Variants in CADM2 observed in about 807,000 individuals in gnomAD.
CADM2 encodes immunoglobulin superfamily member 4D.
Under a neutral mutation model 49.8 loss-of-function variants are expected in CADM2, and 12 were observed. That is an observed-to-expected ratio of 0.24 (90% confidence interval 0.15 to 0.39). The LOEUF (loss-of-function observed/expected upper bound fraction) is 0.39, where lower values mean the gene tolerates loss of function less well. CADM2 is among the 10% of genes least tolerant of loss of function. CADM2 has a pLI of 1.00. For missense variants in CADM2, 378 were observed against 492.3 expected, an observed-to-expected ratio of 0.77 and a Z score of 2.20; for synonymous variants, 214 against 175.4, an observed-to-expected ratio of 1.22 and a Z score of -1.74.
intron 1 of CADM2, among the ~76,000 whole-genome samples, chr3:85,654,489 G>T (rs1338894572): frequency 6.6e-6 from 1 of 152,176 alleles, no homozygotes; most frequent in African/African-American, 2.4e-5. Flanking sequence ...CAGAAGTTTT[G>T]TGAGTGTGCC....
chr3:84,979,668 A>C, intron 1 of CADM2, among the ~76,000 whole-genome samples: 1 of 152,060 alleles, frequency 6.6e-6, no homozygotes, highest in South Asian at 2.1e-4. Context: ...AGTATTATAA[A>C]CTGTTTTTTT....
intron 1 of CADM2, among the ~76,000 whole-genome samples, chr3:85,166,188 G>A (rs1255459498): frequency 2.0e-5 from 3 of 151,730 alleles, no homozygotes; most frequent in Admixed American, 2.0e-4. Context: ...GTGTAGAAAA[G>A]CAATATATAT....
intron 1 of CADM2, among the ~76,000 whole-genome samples, chr3:85,212,872 T>TCTCTCTCTCTCTCTCTCTCTC (rs2041825842): frequency 2.2e-5 from 2 of 91,192 alleles, no homozygotes; most frequent in African/African-American, 4.0e-5. Flanking sequence ...CTTTCTTTCT[T>TCTCTCTCTCTCTCTCTCTCTC]TCTTTCTTTC....
chr3:85,337,024 A>C (rs62253082), intron 1 of CADM2, among the ~76,000 whole-genome samples: 1 of 136,562 alleles, frequency 7.3e-6, no homozygotes, highest in African/African-American at 2.8e-5. Context: ...TATATAAATA[A>C]ATATAAATAT....
intron 1 of CADM2, among the ~76,000 whole-genome samples, chr3:85,530,867 TACACAC>T (rs71617940): frequency 0.19 from 25,403 of 136,804 alleles, 2,560 homozygotes; most frequent in Non-Finnish European, 0.24. Flanking sequence ...TATGTAAAAA[TACACAC>T]ACACACACAC....
intron 3 of CADM2, among the ~76,000 whole-genome samples, chr3:85,840,851 G>A (rs1008956045): frequency 1.3e-4 from 20 of 151,596 alleles, no homozygotes; most frequent in African/African-American, 4.8e-4. Flanking sequence ...ATTTATTCAT[G>A]TGACTTGAAT....
At chr3:85,475,815 T>G (rs1335826423) in intron 1 of CADM2, among the ~76,000 whole-genome samples, 1 of 151,974 alleles carries the variant, frequency 6.6e-6, no homozygotes, top group Non-Finnish European at 1.5e-5. Context: ...CCAGGCACTG[T>G]TCCTAGATGT....
intron 2 of CADM2, among the ~76,000 whole-genome samples, chr3:85,783,558 A>G (rs2070785821): frequency 6.6e-6 from 1 of 152,204 alleles, no homozygotes; most frequent in Admixed American, 6.6e-5. Context: ...CAACCCTGCC[A>G]TATGAGTCCA....
intron 6 of CADM2, among the ~76,000 whole-genome samples, chr3:85,926,629 G>T (rs530574441): frequency 1.6e-4 from 24 of 152,002 alleles, no homozygotes; most frequent in African/African-American, 5.5e-4. Flanking sequence ...CTAAATTTCC[G>T]TTAGTACAAA....
intron 1 of CADM2, among the ~76,000 whole-genome samples, chr3:85,468,697 G>A (rs537087260): frequency 6.0e-4 from 91 of 152,232 alleles, no homozygotes; most frequent in Admixed American, 2.0e-3. Context: ...CAGTTTCCAG[G>A]ACCCCGTGGG....
At chr3:85,275,458 A>G (rs1208033715) in intron 1 of CADM2, among the ~76,000 whole-genome samples, 1 of 151,576 alleles carries the variant, frequency 6.6e-6, no homozygotes, top group Non-Finnish European at 1.5e-5. Flanking sequence ...TAGATAGAAA[A>G]CTAAATACAT....
At chr3:85,000,817 G>C (rs2033427710) in intron 1 of CADM2, among the ~76,000 whole-genome samples, 1 of 151,450 alleles carries the variant, frequency 6.6e-6, no homozygotes, top group African/African-American at 2.4e-5. Flanking sequence ...ACATATATGT[G>C]CCTATGTATG....
intron 1 of CADM2, among the ~76,000 whole-genome samples, chr3:85,198,698 C>T (rs1559715910): frequency 6.6e-6 from 1 of 151,810 alleles, no homozygotes; most frequent in African/African-American, 2.4e-5. Context: ...ATATATTTAG[C>T]TAACAATATT....
chr3:85,135,368 T>C (rs2039384640), intron 1 of CADM2, among the ~76,000 whole-genome samples: 1 of 152,026 alleles, frequency 6.6e-6, no homozygotes. Flanking sequence ...AATATATAAT[T>C]ATGCTGTTAT....
At chr3:85,333,608 T>C (rs552986908) in intron 1 of CADM2, among the ~76,000 whole-genome samples, 2 of 151,916 alleles carry the variant, frequency 1.3e-5, no homozygotes, top group South Asian at 2.1e-4. Context: ...TAAATAATTT[T>C]TGTTATTAAA....
intron 1 of CADM2, among the ~76,000 whole-genome samples, chr3:85,705,915 CAT>C (rs1488419077): frequency 6.6e-6 from 1 of 152,168 alleles, no homozygotes; most frequent in African/African-American, 2.4e-5. Flanking sequence ...CCTTCTCACT[CAT>C]ATAACTTGCT....
At chr3:85,800,546 G>C (rs1190784476) in intron 2 of CADM2, 1 of 152,616 alleles carries the variant, frequency 6.6e-6, no homozygotes, top group African/African-American at 2.4e-5. Flanking sequence ...ATAGGCACCC[G>C]AGGTAATCTC....
At chr3:85,179,747 A>G (rs1275426081) in intron 1 of CADM2, among the ~76,000 whole-genome samples, 1 of 152,150 alleles carries the variant, frequency 6.6e-6, no homozygotes, top group Admixed American at 6.5e-5. Flanking sequence ...ATAACTATGT[A>G]TAACACATCT....
chr3:85,046,276 T>A (rs1343576265), intron 1 of CADM2, among the ~76,000 whole-genome samples: 1 of 151,984 alleles, frequency 6.6e-6, no homozygotes, highest in African/African-American at 2.4e-5. Context: ...ACCAAATCTT[T>A]ACTTCTCCTT....
Sources: gnomAD v4.1 joint callset for allele counts (sites outside exome capture counted in the v4.1 genomes callset) on GRCh38, gnomAD v4.1.1 for gene constraint, MANE v1.5 for transcripts, NCBI Gene and HGNC (gene_info 2026-07-23, HGNC 2026-07-21) for gene names.